The following ALK variants were observed in gnomAD, a reference collection of about 807,000 sequenced individuals.
ALK encodes the protein ALK receptor tyrosine kinase, also known as ALK tyrosine kinase receptor.
ALK carries 74 observed loss-of-function variants against 163.1 expected under a neutral mutation model. The ratio of observed to expected loss-of-function variants is 0.45; its 90% CI spans 0.38 to 0.55. The LOEUF (loss-of-function observed/expected upper bound fraction) is 0.55, where lower values mean the gene tolerates loss of function less well. Among genes scored for constraint, ALK ranks in the 20% least tolerant of loss-of-function variants. ALK has a pLI of 0.00. For missense variants in ALK, 2,063 were observed against 2,105.3 expected (o/e 0.98, Z 0.39); for synonymous variants, 960 against 843.2 (o/e 1.14, Z -2.40).
intron 3 of ALK, among the ~76,000 whole-genome samples, chr2:29,639,431 C>T (rs1245201664): frequency 6.6e-6 from 1 of 152,224 alleles, no homozygotes; most frequent in Non-Finnish European, 1.5e-5. Context: ...GAATGTATCT[C>T]AGAACCTCAT....
chr2:29,630,048 A>G (rs563591522), intron 3 of ALK, among the ~76,000 whole-genome samples: 1 of 152,304 alleles, frequency 6.6e-6, no homozygotes, highest in African/African-American at 2.4e-5. Flanking sequence ...AAGGTATTTC[A>G]TGTCAGTTGC....
intron 3 of ALK, among the ~76,000 whole-genome samples, chr2:29,570,948 TC>T (rs1674351300): frequency 1.3e-5 from 2 of 152,052 alleles, no homozygotes; most frequent in Admixed American, 1.3e-4. Flanking sequence ...AATAATAAAA[TC>T]TGTTTATATT....
At chr2:29,232,904 G>A (rs1439337690) in intron 14 of ALK, among the ~76,000 whole-genome samples, 3 of 152,158 alleles carry the variant, frequency 2.0e-5, no homozygotes, top group Non-Finnish European at 4.4e-5. Flanking sequence ...CCTGTGGGAG[G>A]ACCTAGCAGG....
intron 3 of ALK, among the ~76,000 whole-genome samples, chr2:29,648,426 C>T (rs13392687): frequency 0.015 from 2,261 of 152,178 alleles, 30 homozygotes; most frequent in South Asian, 0.046. Context: ...TCCTGTGCAA[C>T]CATTACCACC....
At chr2:29,564,819 T>C (rs1354364662) in intron 3 of ALK, among the ~76,000 whole-genome samples, 1 of 152,172 alleles carries the variant, frequency 6.6e-6, no homozygotes, top group Non-Finnish European at 1.5e-5. Flanking sequence ...AGTGTGTTTG[T>C]GTGGCCACAA....
chr2:29,261,926 G>A (rs61569419), intron 11 of ALK, among the ~76,000 whole-genome samples: 9,314 of 152,192 alleles, frequency 0.061, 305 homozygotes, highest in African/African-American at 0.08. Context: ...GTTTTGGAAC[G>A]TATTTATATT....
At chr2:29,478,335 C>T (rs1269368322) in intron 4 of ALK, among the ~76,000 whole-genome samples, 5 of 152,224 alleles carry the variant, frequency 3.3e-5, no homozygotes, top group East Asian at 3.8e-4. Flanking sequence ...ATCCTGCTTT[C>T]GTATAAAGGG....
intron 1 of ALK, among the ~76,000 whole-genome samples, chr2:29,833,671 C>T (rs867668527): frequency 1.3e-5 from 2 of 152,126 alleles, no homozygotes; most frequent in Non-Finnish European, 2.9e-5. Context: ...ATTTTAGCTC[C>T]CATTTTACAA....
chr2:29,433,671 A>AT (rs1408408070), intron 4 of ALK, among the ~76,000 whole-genome samples: 1 of 152,170 alleles, frequency 6.6e-6, no homozygotes, highest in Non-Finnish European at 1.5e-5. Context: ...TTCCAATAAA[A>AT]TTTACAAAAC....
intron 4 of ALK, among the ~76,000 whole-genome samples, chr2:29,479,413 G>A (rs893974509): frequency 6.6e-5 from 10 of 152,138 alleles, no homozygotes; most frequent in Admixed American, 6.5e-4. Context: ...TTCTTCACCC[G>A]CTTGGTGATT....
intron 1 of ALK, among the ~76,000 whole-genome samples, chr2:29,812,364 A>G (rs554305903): frequency 5.3e-4 from 80 of 152,084 alleles, no homozygotes; most frequent in African/African-American, 1.8e-3. Context: ...GCCATCATCA[A>G]TTTCTAGCTA....
chr2:29,830,409 T>C lies in ALK; in HGVS notation c.667+89584A>G, dbSNP rs72788258. ...CCATCACCTTTCCAGCCCTAGAATG[T>C]AGGAAGACCCTACTGAGAAAGTAGA... On this transcript the variant is annotated intron_variant, in intron 1 of 28. Transcript: ENST00000389048. Among the ~76,000 whole-genome samples the C allele has an allele frequency of 5.1e-3, 772 of 152,218 alleles. 12 individuals are homozygous for C. Among genetic ancestry groups the C allele is most frequent in the South Asian group, 0.045 (219 of 4,814 alleles).
chr2:29,782,471 C>T (rs751832495), intron 1 of ALK, among the ~76,000 whole-genome samples: 31 of 152,178 alleles, frequency 2.0e-4, no homozygotes, highest in Non-Finnish European at 4.4e-4. Context: ...GCCCCGCACC[C>T]ATTCACCACC....
intron 25 of ALK, among the ~76,000 whole-genome samples, chr2:29,209,154 A>G (rs1163773431): frequency 6.6e-6 from 1 of 152,136 alleles, no homozygotes; most frequent in Non-Finnish European, 1.5e-5. Flanking sequence ...AATAAAGCTC[A>G]CTTTGAAGGT....
At chr2:29,861,070 G>A (rs1666279493) in intron 1 of ALK, among the ~76,000 whole-genome samples, 1 of 152,108 alleles carries the variant, frequency 6.6e-6, no homozygotes, top group South Asian at 2.1e-4. Flanking sequence ...TACTCAGGGG[G>A]CTGCGGTGGG....
intron 1 of ALK, among the ~76,000 whole-genome samples, chr2:29,850,625 G>A (rs1347760453): frequency 6.6e-6 from 1 of 152,152 alleles, no homozygotes; most frequent in East Asian, 1.9e-4. Context: ...CTCAAGGATA[G>A]CTTCATTTGG....
At position 29,908,676 on chromosome 2, in the gene ALK, G is replaced by T. The variant is rs1198705113; in HGVS notation, c.667+11317C>A. Reference sequence around the variant, plus strand: ...AACTTTACCTCTCCCATAATGCACTGAAAACTACTGCTCATCTGCCTTTAA... The same window carrying T: ...AACTTTACCTCTCCCATAATGCACTTAAAACTACTGCTCATCTGCCTTTAA... On this transcript the variant is annotated intron_variant, in intron 1 of 28. Transcript: ENST00000389048. 2.0e-5 allele frequency among the ~76,000 whole-genome samples: 3 copies of T among 152,286 alleles called. No individual in the cohort carries two copies. The East Asian group carries it at 5.8e-4, about 29-fold the overall frequency.
chr2:29,920,346 G>A lies in ALK; in HGVS notation c.314C>T (p.Ala105Val), dbSNP rs772569032. 8 of 1,551,062 alleles carry A rather than the reference G, an allele frequency of 5.2e-6. No homozygotes were observed. In the South Asian group the frequency reaches 5.9e-5, roughly 11 times the overall value. Residue 105 changes from alanine to valine, a missense_variant, in exon 1 of 29, where the codon GCG becomes GTG. Physicochemically the swap from Ala to Val is moderately conservative, Grantham distance 64. Coordinates refer to ENST00000389048, the MANE Select transcript of ALK (RefSeq NM_004304.5). The stretch of plus-strand genomic sequence containing the variant: ...ACCGGCGGTCCAGGAGACCCCCGGC[G>A]CCGGCCCCAGCAACCTGAGCAGCGG... ...CAPLLRLLGP[A>V]PGVSWTAGSP...
intron 8 of ALK, among the ~76,000 whole-genome samples, chr2:29,299,055 T>A (rs1035470407): frequency 2.0e-5 from 3 of 152,256 alleles, no homozygotes; most frequent in Admixed American, 1.3e-4. Flanking sequence ...ACAGCTGGGA[T>A]GTAACTGCTG....
Sources: allele counts gnomAD v4.1 joint callset (sites outside exome capture counted in the v4.1 genomes callset), GRCh38; gene constraint gnomAD v4.1.1; transcripts MANE v1.5; gene names NCBI Gene and HGNC (gene_info 2026-07-23, HGNC 2026-07-21).